HPSE2: variants seen among roughly 807,000 people sequenced by gnomAD.
The protein encoded by HPSE2 is inactive heparanase-2.
In HPSE2, 38 loss-of-function variants were observed where a neutral mutation model predicts 60.5. The ratio of observed to expected loss-of-function variants is 0.63; its 90% CI spans 0.48 to 0.82. The LOEUF (loss-of-function observed/expected upper bound fraction) is 0.82. HPSE2 is among the 40% of genes least tolerant of loss of function. The pLI is 0.00. For synonymous variants in HPSE2, 295 were observed against 293.2 expected, an observed-to-expected ratio of 1.01 and a Z score of -0.06; for missense variants, 713 against 740.4, an observed-to-expected ratio of 0.96 and a Z score of 0.43.
intron 3 of HPSE2, among the ~76,000 whole-genome samples, chr10:98,955,079 C>G (rs1201058672): frequency 6.6e-6 from 1 of 151,008 alleles, no homozygotes; most frequent in Non-Finnish European, 1.5e-5. Flanking sequence ...CACTGGTCAG[C>G]CATGGAACAG....
intron 5 of HPSE2, among the ~76,000 whole-genome samples, chr10:98,716,926 G>A (rs1335662357): frequency 1.3e-5 from 2 of 152,050 alleles, no homozygotes; most frequent in African/African-American, 4.8e-5. Context: ...TACAGGTGGA[G>A]CAGATTTAAC....
chr10:98,527,235 C>T (rs985613999), intron 9 of HPSE2, among the ~76,000 whole-genome samples: 2 of 152,160 alleles, frequency 1.3e-5, no homozygotes, highest in Non-Finnish European at 2.9e-5. Context: ...CTACTCTCCA[C>T]AGAGCAGCTA....
intron 3 of HPSE2, among the ~76,000 whole-genome samples, chr10:99,085,174 A>G (rs956178963): frequency 5.9e-5 from 9 of 152,344 alleles, no homozygotes; most frequent in African/African-American, 2.2e-4. Flanking sequence ...GACAAATCCA[A>G]GAGGGATCTC....
At chr10:99,190,682 C>T (rs1848189821) in intron 2 of HPSE2, among the ~76,000 whole-genome samples, 1 of 152,150 alleles carries the variant, frequency 6.6e-6, no homozygotes. Context: ...CAATTGTGTT[C>T]GCCCTTCCGC....
At chr10:98,471,499 G>A (rs1454357591) in intron 11 of HPSE2, among the ~76,000 whole-genome samples, 2 of 152,190 alleles carry the variant, frequency 1.3e-5, no homozygotes, top group East Asian at 3.9e-4. Flanking sequence ...CGAATAAAAA[G>A]AGATTTTCTT....
intron 3 of HPSE2, among the ~76,000 whole-genome samples, chr10:98,846,068 T>C (rs555451907): frequency 6.6e-6 from 1 of 152,310 alleles, no homozygotes; most frequent in East Asian, 1.9e-4. Flanking sequence ...ACAGCTAGAG[T>C]TTATTCACCA....
intron 5 of HPSE2, among the ~76,000 whole-genome samples, chr10:98,697,440 T>C (rs1948256329): frequency 6.6e-6 from 1 of 151,970 alleles, no homozygotes; most frequent in Non-Finnish European, 1.5e-5. Flanking sequence ...AAATAAGGCA[T>C]GCAGACAAGA....
chr10:98,939,823 T>C lies in HPSE2; in HGVS notation c.611-195767A>G, dbSNP rs563361707. On this transcript the variant is annotated intron_variant, in intron 3 of 11. Transcript: ENST00000370552. ...CACACCTATTCCAAAATTGACCACA[T>C]AGGTGGAAGTAAAGCTCTCCTCAGC... 2.8e-5 allele frequency among the ~76,000 whole-genome samples: 4 copies of C among 143,902 alleles called. 1 individual carries two copies. In the East Asian group the frequency reaches 5.9e-4, roughly 21 times the overall value. The allele number at this position is 143,902 out of a possible 152,430, so 94.4% of individuals were successfully genotyped here.
intron 3 of HPSE2, among the ~76,000 whole-genome samples, chr10:98,969,100 A>G (rs1281897347): frequency 6.6e-6 from 1 of 152,206 alleles, no homozygotes; most frequent in African/African-American, 2.4e-5. Context: ...GTCACTTTAC[A>G]TTACTAGATA....
At chr10:98,697,918 T>A (rs1389762306) in intron 5 of HPSE2, among the ~76,000 whole-genome samples, 1 of 151,184 alleles carries the variant, frequency 6.6e-6, no homozygotes, top group East Asian at 1.9e-4. Context: ...GGTAAAGGGA[T>A]CAATTCAACA....
intron 3 of HPSE2, among the ~76,000 whole-genome samples, chr10:98,856,619 C>A (rs971112530): frequency 4.6e-5 from 7 of 152,084 alleles, no homozygotes; most frequent in Non-Finnish European, 1.0e-4. Flanking sequence ...AAAAAAAAAT[C>A]TTTCAGAATA....
At chr10:99,053,540 C>T (rs1216614486) in intron 3 of HPSE2, among the ~76,000 whole-genome samples, 1 of 151,982 alleles carries the variant, frequency 6.6e-6, no homozygotes, top group Non-Finnish European at 1.5e-5. Context: ...GTTGGTACTA[C>T]ACCAGCCCTC....
chr10:98,472,856 A>G (rs896827207), intron 11 of HPSE2, among the ~76,000 whole-genome samples: 3 of 152,214 alleles, frequency 2.0e-5, no homozygotes, highest in Admixed American at 2.0e-4. Context: ...ATAAAATACT[A>G]GAGAAAATAT....
intron 2 of HPSE2, among the ~76,000 whole-genome samples, chr10:99,222,743 T>C (rs1849353521): frequency 6.6e-6 from 1 of 152,174 alleles, no homozygotes; most frequent in Non-Finnish European, 1.5e-5. Flanking sequence ...ATTGGATCAG[T>C]TGTTGTTCTA....
chr10:99,008,986 G>A (rs1308702981), intron 3 of HPSE2, among the ~76,000 whole-genome samples: 1 of 152,060 alleles, frequency 6.6e-6, no homozygotes, highest in Non-Finnish European at 1.5e-5. Context: ...GAAAGTTCCT[G>A]CTGCTGTGTC....
Position 98,914,526 on chromosome 10 carries a change from G to GC in HPSE2, c.611-170471dup, listed in dbSNP as rs1954065414. ...AAAATTAAGATTGCTCCAATATGCT[G>GC]CATAAAGGCCAAATAGCAAACACTT... On this transcript the variant is annotated intron_variant, in intron 3 of 11. Transcript: ENST00000370552. Among the ~76,000 whole-genome samples, 10 of 150,300 alleles carry GC rather than the reference G, an allele frequency of 6.7e-5. No homozygotes were observed. The South Asian group carries it at 1.9e-3, about 29-fold the overall frequency.
intron 3 of HPSE2, among the ~76,000 whole-genome samples, chr10:99,124,954 C>A (rs1589695123): frequency 6.6e-6 from 1 of 152,310 alleles, no homozygotes; most frequent in African/African-American, 2.4e-5. Flanking sequence ...GCTGCCACTG[C>A]CATCAATAGC....
intron 3 of HPSE2, among the ~76,000 whole-genome samples, chr10:99,132,225 G>A (rs58563204): frequency 0.099 from 1,643 of 16,634 alleles, 183 homozygotes; most frequent in Admixed American, 0.16. Flanking sequence ...GAGAGAGAGA[G>A]AGAGAGAGAG....
At chr10:99,311,325 G>T in the HPSE2 span, among the ~76,000 whole-genome samples, 171 of 152,290 alleles carry the variant, frequency 1.1e-3, no homozygotes, top group African/African-American at 3.8e-3. Context: ...CAGACACTGT[G>T]TTTCTTACAA....
Sources: allele counts gnomAD v4.1 joint callset (sites outside exome capture counted in the v4.1 genomes callset), GRCh38; gene constraint gnomAD v4.1.1; transcripts MANE v1.5; gene names NCBI Gene and HGNC (gene_info 2026-07-23, HGNC 2026-07-21).